RAP1GDS1: variants seen among roughly 807,000 people sequenced by gnomAD.
The protein encoded by RAP1GDS1 is Rap1 GTPase-GDP dissociation stimulator 1.
Under a neutral mutation model 71.1 loss-of-function variants are expected in RAP1GDS1, and 35 were observed. That is an observed-to-expected ratio of 0.49 (90% CI 0.38 to 0.65). The LOEUF (loss-of-function observed/expected upper bound fraction) is 0.65, where lower values mean the gene tolerates loss of function less well. Among genes scored for constraint, RAP1GDS1 ranks in the 30% least tolerant of loss-of-function variants. RAP1GDS1 has a pLI of 0.00. For missense variants in RAP1GDS1, 663 were observed against 706.1 expected, an observed-to-expected ratio of 0.94 and a Z score of 0.69; for synonymous variants, 229 against 243.1, an observed-to-expected ratio of 0.94 and a Z score of 0.54.
chr4:98,423,915 A>G (rs1294224822), intron 12 of RAP1GDS1, among the ~76,000 whole-genome samples: 4 of 152,312 alleles, frequency 2.6e-5, no homozygotes, highest in East Asian at 1.9e-4. Flanking sequence ...GCAAAAATAT[A>G]TATGAGAGTT....
At chr4:98,408,891 T>C (rs931051199) in intron 7 of RAP1GDS1, among the ~76,000 whole-genome samples, 1 of 152,126 alleles carries the variant, frequency 6.6e-6, no homozygotes, top group Non-Finnish European at 1.5e-5. Flanking sequence ...GTCTTCAATC[T>C]GAAAAAGATA....
intron 2 of RAP1GDS1, among the ~76,000 whole-genome samples, chr4:98,335,145 C>T (rs562417593): frequency 6.6e-6 from 1 of 152,226 alleles, no homozygotes; most frequent in Non-Finnish European, 1.5e-5. Context: ...GAATTCCATT[C>T]CTTTTCTTAT....
chr4:98,323,110 A>G (rs932021360), intron 2 of RAP1GDS1, among the ~76,000 whole-genome samples: 4 of 150,754 alleles, frequency 2.7e-5, no homozygotes, highest in Non-Finnish European at 5.9e-5. Context: ...ATCCCACAGA[A>G]ATACAAACTA....
intron 6 of RAP1GDS1, among the ~76,000 whole-genome samples, chr4:98,393,354 C>A (rs1171048835): frequency 2.0e-5 from 3 of 152,164 alleles, no homozygotes; most frequent in African/African-American, 7.2e-5. Flanking sequence ...CTTCTCTCTT[C>A]ATCTGCTTTT....
chr4:98,333,729 T>C (rs1326610694), intron 2 of RAP1GDS1, among the ~76,000 whole-genome samples: 2 of 152,096 alleles, frequency 1.3e-5, no homozygotes, highest in Non-Finnish European at 2.9e-5. Context: ...TGGGTAAAAC[T>C]AGTCATCATT....
intron 3 of RAP1GDS1, among the ~76,000 whole-genome samples, chr4:98,346,809 G>T (rs1421934540): frequency 6.6e-6 from 1 of 152,178 alleles, no homozygotes; most frequent in Non-Finnish European, 1.5e-5. Context: ...CTCCCAAAGT[G>T]CTGGGATTAC....
At position 98,392,087 on chromosome 4, in the gene RAP1GDS1, C is replaced by T. The variant is rs1206333352; in HGVS notation, c.637+7C>T. 1 of 1,607,866 alleles carries T rather than the reference C, an allele frequency of 6.2e-7. No homozygotes were observed. On this transcript the variant is annotated splice_region_variant and intron_variant, in intron 6 of 14. Transcript: ENST00000408927. ...GGTAATTTAGCAGAACTTGGTAAGT[C>T]TTAGTCATGAACCACAAATGTAATT...
intron 1 of RAP1GDS1, among the ~76,000 whole-genome samples, chr4:98,279,225 A>AAAAC (rs529126782): frequency 5.3e-5 from 8 of 152,158 alleles, no homozygotes; most frequent in East Asian, 1.9e-4. Context: ...CTCTGTCTTA[A>AAAAC]AAACAAACAA....
intron 12 of RAP1GDS1, among the ~76,000 whole-genome samples, chr4:98,424,687 G>C (rs1749360280): frequency 6.6e-6 from 1 of 151,636 alleles, no homozygotes; most frequent in African/African-American, 2.4e-5. Context: ...CTTGAACCTG[G>C]GAAGCGGAGG....
rs773619623 is a variant in RAP1GDS1, at chr4:98,441,973, A to ATTTT, written c.1697-13_1697-10dup. 6.2e-7 allele frequency: 1 copy of ATTTT among 1,612,834 alleles called. No homozygotes were observed. The highest frequency in any genetic ancestry group is 8.5e-7 in the Non-Finnish European group (1 of 1,179,522). On this transcript the variant is annotated splice_polypyrimidine_tract_variant and intron_variant, in intron 14 of 14. Transcript: ENST00000408927. Reference sequence around the variant, plus strand: ...ACAACCTAACAGAATCATATCTGTTATTTTTTTGTCTTCCAGAATGTCTAC... The same window carrying ATTTT: ...ACAACCTAACAGAATCATATCTGTTATTTTTTTTTTTGTCTTCCAGAATGTCTAC...
intron 7 of RAP1GDS1, among the ~76,000 whole-genome samples, chr4:98,416,488 A>G (rs1203833808): frequency 6.6e-6 from 1 of 151,482 alleles, no homozygotes; most frequent in Non-Finnish European, 1.5e-5. Flanking sequence ...CTGTGACTAC[A>G]GGCGCCTGCC....
chr4:98,291,443 A>G lies in RAP1GDS1; in HGVS notation c.5-1965A>G, dbSNP rs572219028. On this transcript the variant is annotated intron_variant, in intron 1 of 14. Coordinates refer to ENST00000408927, the MANE Select transcript of RAP1GDS1 (RefSeq NM_001100427.2). ...GTGCTTTTAAGGAAATGTAAAATAC[A>G]GCTCTCTGGAATTACACAAAAAGTA... Among the ~76,000 whole-genome samples, 5 of 152,338 alleles carry G rather than the reference A, an allele frequency of 3.3e-5. No homozygotes were observed. In the East Asian group the frequency reaches 9.6e-4, roughly 29 times the overall value.
intron 4 of RAP1GDS1, among the ~76,000 whole-genome samples, chr4:98,374,590 T>C (rs1475628546): frequency 2.0e-5 from 3 of 152,148 alleles, no homozygotes; most frequent in Non-Finnish European, 4.4e-5. Context: ...TAACAGTATT[T>C]AATCTCTGGA....
In RAP1GDS1 at chr4:98,297,199, A is replaced by C. The variant is rs2110288467; in HGVS notation, c.112+3684A>C. 2.6e-5 allele frequency among the ~76,000 whole-genome samples: 4 copies of C among 152,282 alleles called. No individual in the cohort carries two copies. The Middle Eastern group carries it at 0.014, about 518-fold the overall frequency. On this transcript the variant is annotated intron_variant, in intron 2 of 14. Transcript: ENST00000408927. ...CACATCTCTAATCTTCTATGATAAT[A>C]TTCACTCACATGTTGAATTCTTGCT... is the stretch of plus-strand genomic sequence containing the variant.
At chr4:98,293,775 A>C (rs1727307474) in intron 2 of RAP1GDS1, among the ~76,000 whole-genome samples, 1 of 152,098 alleles carries the variant, frequency 6.6e-6, no homozygotes, top group Non-Finnish European at 1.5e-5. Flanking sequence ...CCAGTCCCAG[A>C]GAGAGGCCAT....
At chr4:98,411,241 A>G (rs1271524592) in intron 7 of RAP1GDS1, among the ~76,000 whole-genome samples, 1 of 152,342 alleles carries the variant, frequency 6.6e-6, no homozygotes, top group East Asian at 1.9e-4. Context: ...TAATTAAGGT[A>G]GTTTAAGCCT....
chr4:98,357,407 AAAC>A (rs754625315), intron 4 of RAP1GDS1, among the ~76,000 whole-genome samples: 22 of 151,960 alleles, frequency 1.4e-4, no homozygotes, highest in Non-Finnish European at 2.8e-4. Flanking sequence ...GTATAAGAAT[AAAC>A]AACAATATGT....
At chr4:98,418,587 G>A in intron 9 of RAP1GDS1, 70 bp from the exon 10 acceptor site, 2 of 1,315,486 alleles carry the variant, frequency 1.5e-6, no homozygotes, top group Non-Finnish European at 2.0e-6. Flanking sequence ...ATAATAGCCA[G>A]ACATCAGTAT....
intron 2 of RAP1GDS1, among the ~76,000 whole-genome samples, chr4:98,303,703 AAAAT>A (rs1290657348): frequency 6.6e-6 from 1 of 151,082 alleles, no homozygotes; most frequent in Non-Finnish European, 1.5e-5. Context: ...CTTTTTAAAA[AAAAT>A]TATTTTAAGT....
Sources: gnomAD v4.1 joint callset for allele counts (sites outside exome capture counted in the v4.1 genomes callset) on GRCh38, gnomAD v4.1.1 for gene constraint, MANE v1.5 for transcripts, NCBI Gene and HGNC (gene_info 2026-07-23, HGNC 2026-07-21) for gene names.